The following CHST12 variants were observed in gnomAD, a reference collection of about 807,000 sequenced individuals.
CHST12 encodes the protein carbohydrate sulfotransferase 12, also known as carbohydrate (chondroitin 4) sulfotransferase 12.
A neutral mutation model predicts 27.9 loss-of-function variants in CHST12; 23 were observed. That is an observed-to-expected ratio of 0.82 (90% CI 0.59 to 1.17). The LOEUF (loss-of-function observed/expected upper bound fraction) is 1.17. CHST12 is among the 50% of genes most tolerant of loss of function. CHST12 has a pLI of 0.00. For missense variants in CHST12, 682 were observed against 603.0 expected (o/e 1.13, Z -1.37); for synonymous variants, 322 against 273.0 (o/e 1.18, Z -1.77).
chr7:2,403,588 G>A (rs1288271152), upstream of CHST12: 3 of 151,488 alleles, frequency 2.0e-5, no homozygotes, highest in East Asian at 5.8e-4. Context: ...GGGCCGGCGA[G>A]GGCTGCCTCT....
chr7:2,409,718 C>T (rs1206269924), intron 1 of CHST12, among the ~76,000 whole-genome samples: 3 of 152,132 alleles, frequency 2.0e-5, no homozygotes, highest in South Asian at 4.2e-4. Context: ...CTTCACCTCA[C>T]GGAATGATTT....
At chr7:2,423,556 T>A (rs762912149) in intron 1 of CHST12, among the ~76,000 whole-genome samples, 1 of 152,204 alleles carries the variant, frequency 6.6e-6, no homozygotes, top group Non-Finnish European at 1.5e-5. Flanking sequence ...GTGATGCTGG[T>A]GCACTACAGG....
rs1314117436 is a variant in CHST12, at chr7:2,437,799, T to A, written c.*3915T>A. The A allele has an allele frequency of 1.3e-5, 2 of 152,310 alleles. No individual in the cohort carries two copies. The highest frequency in any genetic ancestry group is 2.9e-5 in the Non-Finnish European group (2 of 68,100). 9.4% of individuals were successfully genotyped at this position (152,310 alleles called of 1,614,324 possible). The stretch of plus-strand genomic sequence containing the variant: ...CGGGATATTTTTCTTGTTTCCTTCT[T>A]CCAGAGGGTGTAGGAGTTGTGTTCC... On this transcript the variant is annotated 3_prime_UTR_variant, in exon 2 of 2. Coordinates refer to ENST00000618655, the MANE Select transcript of CHST12 (RefSeq NM_018641.5).
chr7:2,423,303 C>T (rs909246837), intron 1 of CHST12, among the ~76,000 whole-genome samples: 4 of 151,928 alleles, frequency 2.6e-5, no homozygotes, highest in African/African-American at 9.7e-5. Flanking sequence ...GAAAAATAGG[C>T]TGTAAAATCG....
chr7:2,428,937 G>T, intron 1 of CHST12, among the ~76,000 whole-genome samples: 1 of 152,150 alleles, frequency 6.6e-6, no homozygotes, highest in South Asian at 2.1e-4. Flanking sequence ...CAAGATGAGG[G>T]CGTTTATAGC....
rs569568396 is a variant in CHST12 at position 2,448,402 on chromosome 7, C to T, written c.*14518C>T. 5.9e-5 allele frequency: 9 copies of T among 152,532 alleles called. No individual in the cohort carries two copies. Among genetic ancestry groups the T allele is most frequent in the African/African-American group, 9.6e-5 (4 of 41,564 alleles). 9.4% of individuals were successfully genotyped at this position (152,532 alleles called of 1,614,324 possible). Reference sequence around the variant, plus strand: ...CACCCACCAGTCCTTGTCCAAACCTCGAAGCTCAGGACCTCACAGAGCACC... The same window carrying T: ...CACCCACCAGTCCTTGTCCAAACCTTGAAGCTCAGGACCTCACAGAGCACC... On this transcript the variant is annotated 3_prime_UTR_variant, in exon 2 of 2. Transcript: ENST00000618655.
intron 1 of CHST12, among the ~76,000 whole-genome samples, chr7:2,417,737 G>A (rs1781847761): frequency 6.6e-6 from 1 of 152,006 alleles, no homozygotes; most frequent in South Asian, 2.1e-4. Context: ...ACTGGCTGAG[G>A]CCCTCTCATA....
intron 1 of CHST12, among the ~76,000 whole-genome samples, chr7:2,419,282 A>G (rs1781898586): frequency 6.7e-6 from 1 of 149,954 alleles, no homozygotes; most frequent in Non-Finnish European, 1.5e-5. Flanking sequence ...GGTGGTGCAC[A>G]CCTGTAACCC....
intron 1 of CHST12, among the ~76,000 whole-genome samples, chr7:2,410,536 G>A (rs944253697): frequency 6.6e-6 from 1 of 152,170 alleles, no homozygotes; most frequent in Non-Finnish European, 1.5e-5. Flanking sequence ...TTGAGGTAGG[G>A]ATGGGATAAA....
At chr7:2,407,963 C>A (rs1391452418) in intron 1 of CHST12, among the ~76,000 whole-genome samples, 1 of 151,952 alleles carries the variant, frequency 6.6e-6, no homozygotes, top group Non-Finnish European at 1.5e-5. Flanking sequence ...GTCTGGGCAG[C>A]AAACTTGGAT....
At chr7:2,403,499 T>C (rs1301603724), upstream of CHST12, 1 of 151,050 alleles carries the variant, frequency 6.6e-6, no homozygotes, top group Non-Finnish European at 1.5e-5. Context: ...CGGGCGCCCC[T>C]CGGCCTCCGT....
At position 2,445,499 on chromosome 7, in the gene CHST12, A is replaced by G. The variant is rs1253041972; in HGVS notation, c.*11615A>G. 1.3e-5 allele frequency: 2 copies of G among 152,224 alleles called. No individual in the cohort carries two copies. The highest frequency in any genetic ancestry group is 3.9e-4 in the East Asian group (2 of 5,190). 9.4% of individuals were successfully genotyped at this position (152,224 alleles called of 1,614,324 possible). Reference sequence around the variant, plus strand: ...GAGACGGAATCTCACTGTGTCGCCCAGGCTCACTGCAACCTATGCCTCCCG... The same window carrying G: ...GAGACGGAATCTCACTGTGTCGCCCGGGCTCACTGCAACCTATGCCTCCCG... On this transcript the variant is annotated 3_prime_UTR_variant, in exon 2 of 2. Coordinates refer to ENST00000618655, the MANE Select transcript of CHST12 (RefSeq NM_018641.5).
Position 2,445,406 on chromosome 7 carries a change from C to G in CHST12, c.*11522C>G, listed in dbSNP as rs925007048. The G allele has an allele frequency of 1.3e-5, 2 of 152,260 alleles. No individual in the cohort carries two copies. The highest frequency in any genetic ancestry group is 1.5e-5 in the Non-Finnish European group (1 of 68,058). The allele number at this position is 152,260 out of a possible 1,614,324, so 9.4% of individuals were successfully genotyped here. A position where few individuals can be genotyped will look rare whatever the true frequency, so the allele number is the denominator to read the frequency against. On this transcript the variant is annotated 3_prime_UTR_variant, in exon 2 of 2. Transcript: ENST00000618655. ...GGGCATTCGAGAAAAGGGTGCTTGT[C>G]TCTTGGTGAGAGGGCCACGGTTCCT...
chr7:2,436,217 T>C lies in CHST12; in HGVS notation c.*2333T>C, dbSNP rs1782470243. 6.6e-6 allele frequency: 1 copy of C among 152,262 alleles called. No individual in the cohort carries two copies. Among genetic ancestry groups the C allele is most frequent in the African/African-American group, 2.4e-5 (1 of 41,462 alleles). 9.4% of individuals were successfully genotyped at this position (152,262 alleles called of 1,614,324 possible). A position where few individuals can be genotyped will look rare whatever the true frequency, so the allele number is the denominator to read the frequency against. On this transcript the variant is annotated 3_prime_UTR_variant, in exon 2 of 2. Coordinates refer to ENST00000618655, the MANE Select transcript of CHST12 (RefSeq NM_018641.5). ...GGCATTAAGCACATTCGTATTGTCGTGCCACCACCACCATCATCTCCAGAG... is the reference window on the plus strand; with the variant it reads ...GGCATTAAGCACATTCGTATTGTCGCGCCACCACCACCATCATCTCCAGAG...
intron 1 of CHST12, among the ~76,000 whole-genome samples, chr7:2,427,501 GA>G (rs975700956): frequency 0.012 from 1,222 of 98,568 alleles, 5 homozygotes; most frequent in African/African-American, 0.035. Flanking sequence ...GCTCTGTCTT[GA>G]AAAAAAAAAA....
chr7:2,446,637 G>T lies in CHST12; in HGVS notation c.*12753G>T, dbSNP rs1251202351. ...TCCCTGCTCCAGCTGGGACCTGTGG[G>T]GCTTTGTCTGTTGTCCCGAGCACCT... On this transcript the variant is annotated 3_prime_UTR_variant, in exon 2 of 2. Coordinates refer to ENST00000618655, the MANE Select transcript of CHST12 (RefSeq NM_018641.5). 6.5e-6 allele frequency: 1 copy of T among 153,014 alleles called. No homozygotes were observed. The highest frequency in any genetic ancestry group is 2.4e-5 in the African/African-American group (1 of 41,458). The allele number at this position is 153,014 out of a possible 1,614,324, so 9.5% of individuals were successfully genotyped here.
At chr7:2,422,128 G>T (rs532329174) in intron 1 of CHST12, among the ~76,000 whole-genome samples, 1 of 152,166 alleles carries the variant, frequency 6.6e-6, no homozygotes, top group African/African-American at 2.4e-5. Context: ...TGCCTATGTC[G>T]GCGATGTGAC....
intron 1 of CHST12, among the ~76,000 whole-genome samples, chr7:2,417,031 A>ATT (rs749856119): frequency 2.6e-5 from 4 of 152,016 alleles, no homozygotes; most frequent in Non-Finnish European, 4.4e-5. Flanking sequence ...GGGTCCTGAG[A>ATT]TTTTATTTTT....
chr7:2,427,658 C>T (rs571133174), intron 1 of CHST12, among the ~76,000 whole-genome samples: 2 of 152,166 alleles, frequency 1.3e-5, no homozygotes, highest in South Asian at 4.2e-4. Flanking sequence ...ATCCTCTTTG[C>T]TAAGTTTGCT....
Sources: allele counts gnomAD v4.1 joint callset (sites outside exome capture counted in the v4.1 genomes callset), GRCh38; gene constraint gnomAD v4.1.1; transcripts MANE v1.5; gene names NCBI Gene and HGNC (gene_info 2026-07-23, HGNC 2026-07-21).